SPAG16: variants seen among roughly 807,000 people sequenced by gnomAD.
SPAG16 encodes sperm-associated antigen 16 protein.
SPAG16 carries 86 observed loss-of-function variants against 80.4 expected under a neutral mutation model. That is an observed-to-expected ratio of 1.07 (90% CI 0.90 to 1.28). SPAG16 has a LOEUF of 1.28. Ranked by LOEUF, SPAG16 falls within the 50% of genes most tolerant of loss-of-function variation. SPAG16 has a pLI of 0.00. For missense variants in SPAG16, 870 were observed against 765.3 expected (o/e 1.14, Z -1.61); for synonymous variants, 294 against 265.9 (o/e 1.11, Z -1.03).
chr2:214,178,436 G>T (rs895773231), intron 15 of SPAG16, among the ~76,000 whole-genome samples: 6 of 151,200 alleles, frequency 4.0e-5, no homozygotes, highest in African/African-American at 7.3e-5. Context: ...CTATGGTACT[G>T]GTTCAGCACG....
At chr2:214,320,371 C>G (rs376537502) in intron 15 of SPAG16, among the ~76,000 whole-genome samples, 2 of 152,196 alleles carry the variant, frequency 1.3e-5, no homozygotes, top group East Asian at 1.9e-4. Context: ...GATACTCTAG[C>G]CTTTCTTCAC....
intron 15 of SPAG16, among the ~76,000 whole-genome samples, chr2:214,162,331 A>G (rs968378592): frequency 5.3e-5 from 8 of 152,170 alleles, no homozygotes. Flanking sequence ...TCTGTTTAAC[A>G]TTCCATTGAC....
At chr2:213,556,099 A>T (rs1007960590) in intron 10 of SPAG16, among the ~76,000 whole-genome samples, 1 of 151,990 alleles carries the variant, frequency 6.6e-6, no homozygotes, top group Non-Finnish European at 1.5e-5. Flanking sequence ...ATTAAAAGCA[A>T]GGAACCAAAA....
chr2:213,721,202 C>T (rs892781160), intron 10 of SPAG16, among the ~76,000 whole-genome samples: 4 of 152,114 alleles, frequency 2.6e-5, no homozygotes, highest in African/African-American at 9.7e-5. Context: ...TGGGTTCAAG[C>T]TGCCTCTTGC....
At chr2:213,433,432 T>C (rs1444126590) in intron 9 of SPAG16, among the ~76,000 whole-genome samples, 1 of 152,242 alleles carries the variant, frequency 6.6e-6, no homozygotes, top group Admixed American at 6.5e-5. Context: ...TTTACAAAAA[T>C]CTGTAGCATT....
At chr2:213,561,745 C>A (rs569859699) in intron 10 of SPAG16, among the ~76,000 whole-genome samples, 92 of 152,282 alleles carry the variant, frequency 6.0e-4, no homozygotes, top group Non-Finnish European at 1.1e-3. Context: ...ACAAGAATTT[C>A]AAACTGCCTT....
chr2:213,530,587 C>T (rs1225172722), intron 10 of SPAG16, among the ~76,000 whole-genome samples: 1 of 152,184 alleles, frequency 6.6e-6, no homozygotes, highest in Non-Finnish European at 1.5e-5. Flanking sequence ...AGAAGTTACT[C>T]TCTTGAACTG....
rs762666438 is a variant in SPAG16 at position 214,073,101 on chromosome 2, C to A, written c.1528-35095C>A. 7.6e-4 allele frequency among the ~76,000 whole-genome samples: 115 copies of A among 151,680 alleles called. 3 individuals are homozygous for A. Among genetic ancestry groups the A allele is most frequent in the Admixed American group, 2.6e-4 (4 of 15,222 alleles). ...AGTCCTATATACTTGTAACAAACAA[C>A]TAGAAAATTAAATATAAAGTAAGAT... On this transcript the variant is annotated intron_variant, in intron 13 of 15. Transcript: ENST00000331683.
chr2:213,662,823 T>G (rs1432284219), intron 10 of SPAG16, among the ~76,000 whole-genome samples: 1 of 152,074 alleles, frequency 6.6e-6, no homozygotes, highest in Non-Finnish European at 1.5e-5. Flanking sequence ...CTGAGATCTC[T>G]AAAGAGATCA....
chr2:213,643,389 TATATATATATATATATATATA>T, intron 10 of SPAG16, among the ~76,000 whole-genome samples: 2 of 90,670 alleles, frequency 2.2e-5, no homozygotes, highest in African/African-American at 7.9e-5. Flanking sequence ...TATATATATA[TATATATATATATATATATATA>T]TTTTATCTCT....
In SPAG16 at chr2:213,892,611, T is replaced by G. The variant is rs548503346; in HGVS notation, c.1214+29983T>G. 3.9e-5 allele frequency among the ~76,000 whole-genome samples: 6 copies of G among 152,068 alleles called. No homozygotes were observed. The South Asian group carries it at 8.3e-4, about 21-fold the overall frequency. The stretch of plus-strand genomic sequence containing the variant: ...TATCAGAAAAATTTAATAAAGAGAT[T>G]AAAATAATTAAAAATCACACAGAAA... On this transcript the variant is annotated intron_variant, in intron 11 of 15. Coordinates refer to ENST00000331683, the MANE Select transcript of SPAG16 (RefSeq NM_024532.5).
At chr2:213,771,393 T>A (rs890879104) in intron 10 of SPAG16, among the ~76,000 whole-genome samples, 2 of 152,180 alleles carry the variant, frequency 1.3e-5, no homozygotes, top group South Asian at 4.1e-4. Context: ...TTTCTCCTAT[T>A]CTGTAGGTTG....
intron 15 of SPAG16, among the ~76,000 whole-genome samples, chr2:214,343,022 G>A (rs1488054856): frequency 1.3e-5 from 2 of 152,160 alleles, no homozygotes; most frequent in Non-Finnish European, 2.9e-5. Context: ...AAGGCAACAG[G>A]CAGGGAATTG....
At chr2:213,980,710 G>GTATATATATATA (rs1320481683) in intron 12 of SPAG16, among the ~76,000 whole-genome samples, 9 of 117,188 alleles carry the variant, frequency 7.7e-5, no homozygotes, top group African/African-American at 1.1e-4. Flanking sequence ...GTGTGTGTGT[G>GTATATATATATA]TGTATATATA....
chr2:213,759,330 A>AAT (rs139577546), intron 10 of SPAG16, among the ~76,000 whole-genome samples: 30,901 of 151,788 alleles, frequency 0.2, 3,722 homozygotes, highest in South Asian at 0.32. Context: ...TTAAGAGGTT[A>AAT]ATATATATAT....
intron 13 of SPAG16, among the ~76,000 whole-genome samples, chr2:214,043,720 G>T (rs1025656891): frequency 1.3e-5 from 2 of 152,082 alleles, no homozygotes; most frequent in Non-Finnish European, 2.9e-5. Context: ...TGTAGTGGCC[G>T]AATTGCTTAG....
chr2:213,328,270 A>T (rs927105242), intron 5 of SPAG16, among the ~76,000 whole-genome samples: 5 of 152,108 alleles, frequency 3.3e-5, no homozygotes, highest in Non-Finnish European at 7.4e-5. Context: ...ATTCTGTACA[A>T]CTTTTTTTTA....
At chr2:214,220,102 A>T (rs2125773024) in intron 15 of SPAG16, among the ~76,000 whole-genome samples, 1 of 152,264 alleles carries the variant, frequency 6.6e-6, no homozygotes, top group African/African-American at 2.4e-5. Context: ...AAGATATAGA[A>T]TATGATGTTT....
At chr2:213,336,446 C>T (rs6740801) in intron 5 of SPAG16, among the ~76,000 whole-genome samples, 11,306 of 152,248 alleles carry the variant, frequency 0.074, 1,385 homozygotes, top group African/African-American at 0.25. Context: ...GGAATCCCTG[C>T]CAGCCAACGC....
Sources: gnomAD v4.1 joint callset for allele counts (sites outside exome capture counted in the v4.1 genomes callset) on GRCh38, gnomAD v4.1.1 for gene constraint, MANE v1.5 for transcripts, NCBI Gene and HGNC (gene_info 2026-07-23, HGNC 2026-07-21) for gene names.